The following SETX variants were observed in gnomAD, a reference collection of about 807,000 sequenced individuals.
The protein encoded by SETX is helicase senataxin.
Under a neutral mutation model 227.2 loss-of-function variants are expected in SETX, and 90 were observed. The ratio of observed to expected loss-of-function variants is 0.40; its 90% CI spans 0.33 to 0.47. SETX has a LOEUF of 0.47. Ranked by LOEUF, SETX falls within the 20% of genes least tolerant of loss-of-function variation. The probability of loss-of-function intolerance (pLI) is 0.91; values close to 1 mark genes in which losing one functional copy is unlikely to be tolerated. For missense variants in SETX, 3,052 were observed against 3,181.5 expected (o/e 0.96, Z 0.98); for synonymous variants, 1,210 against 1,113.2 (o/e 1.09, Z -1.73).
Position 132,296,023 on chromosome 9 carries a change from C to T in SETX, c.5955G>A (p.Gln1985=). ...AGTTTTCGTCTGAATGCCCCTTCCT[C>T]TGGTTCTACAATTTGCCACATATAC... ...GLLYRLLTEN[Q]RKGHSDENSN... Residue 1985 remains glutamine (Q), a synonymous_variant, in exon 15 of 26, where the codon CAG becomes CAA. Coordinates refer to ENST00000224140, the MANE Select transcript of SETX (RefSeq NM_015046.7). 1 of 1,614,168 alleles carries T rather than the reference C, an allele frequency of 6.2e-7. No individual in the cohort carries two copies. Among genetic ancestry groups the T allele is most frequent in the East Asian group, 2.2e-5 (1 of 44,888 alleles).
rs1589791526 is a variant in SETX, at chr9:132,349,354, A to C, written c.75T>G (p.Thr25=). The C allele has an allele frequency of 1.2e-5, 19 of 1,614,092 alleles. No homozygotes were observed. The highest frequency in any genetic ancestry group is 1.6e-5 in the Non-Finnish European group (19 of 1,180,014). ...IDFLKRYASN[T]PSGEFQTADE... ...CGGCTGTTTGAAATTCACCGGACGGAGTGTTGGAAGCATAGCGCTTTAGGA... is the reference window on the plus strand; with the variant it reads ...CGGCTGTTTGAAATTCACCGGACGGCGTGTTGGAAGCATAGCGCTTTAGGA... Residue 25 remains threonine, a synonymous_variant, in exon 3 of 26, where the codon ACT becomes ACG. Transcript: ENST00000224140.
chr9:132,272,401 A>C (rs1842945578), intron 23 of SETX, among the ~76,000 whole-genome samples: 1 of 150,850 alleles, frequency 6.6e-6, no homozygotes, highest in African/African-American at 2.4e-5. Flanking sequence ...CTTCCACCTC[A>C]CCCACCCAAA....
At position 132,275,306 on chromosome 9, in the gene SETX, G is replaced by A; in HGVS notation, c.7050C>T (p.Ala2350=). The change falls in exon 23 of 26, where the codon GCC becomes GCT. Residue 2350 remains alanine, a synonymous_variant. Coordinates refer to ENST00000224140, the MANE Select transcript of SETX (RefSeq NM_015046.7). ...AATCCTTCTGAATCATCGTCTTCTG[G>A]GCCTTGTAATGAGTTATTATGCCAA... ...RNIGIITHYK[A]QKTMIQKDLD... 6.2e-7 allele frequency: 1 copy of A among 1,613,806 alleles called. No individual in the cohort carries two copies. The highest frequency in any genetic ancestry group is 8.5e-7 in the Non-Finnish European group (1 of 1,179,944).
rs1333921385 is a variant in SETX at position 132,264,139 on chromosome 9, A to T, written c.*100T>A. The T allele has an allele frequency of 6.4e-6, 10 of 1,550,658 alleles. No individual in the cohort carries two copies. Among genetic ancestry groups the T allele is most frequent in the Non-Finnish European group, 8.8e-6 (10 of 1,135,004 alleles). On this transcript the variant is annotated 3_prime_UTR_variant, in exon 26 of 26. Transcript: ENST00000224140. ...TTTTCCATGTTTTCCAACAGCACAC[A>T]AACTCCTTACAAAAAACAAGCTTAT...
At chr9:132,339,843 G>C (rs1847852601) in intron 5 of SETX, among the ~76,000 whole-genome samples, 1 of 152,060 alleles carries the variant, frequency 6.6e-6, no homozygotes. Flanking sequence ...TCAAACTCCT[G>C]GCCTCAGGTG....
Position 132,353,727 on chromosome 9 carries a change from G to T in SETX, c.-86C>A, listed in dbSNP as rs1260239261. The stretch of plus-strand genomic sequence containing the variant: ...CAAACACGGATTTGCATTCATATAT[G>T]CCCAGACTCTGGCCCCAAAAGAACA... On this transcript the variant is annotated 5_prime_UTR_variant, in exon 2 of 26. Coordinates refer to ENST00000224140, the MANE Select transcript of SETX (RefSeq NM_015046.7). The T allele has an allele frequency of 2.0e-5, 3 of 152,136 alleles. No homozygotes were observed. The highest frequency in any genetic ancestry group is 4.4e-5 in the Non-Finnish European group (3 of 68,040). 9.4% of individuals were successfully genotyped at this position (152,136 alleles called of 1,614,324 possible). A position where few individuals can be genotyped will look rare whatever the true frequency, so the allele number is the denominator to read the frequency against.
chr9:132,355,993 A>G (rs923933993), upstream of SETX, among the ~76,000 whole-genome samples: 8 of 130,428 alleles, frequency 6.1e-5, no homozygotes, highest in Non-Finnish European at 8.3e-5. Context: ...TCTCCGGAAA[A>G]AAAAAAAAAA....
chr9:132,297,278 C>G lies in SETX; in HGVS notation c.5782-224G>C, dbSNP rs2296870. On this transcript the variant is annotated intron_variant, in intron 13 of 25. Transcript: ENST00000224140. ...ACTAATTACTAATTAGTGTCTGTAA[C>G]GCTTCAAGTACTTACAAATACAACT... Among the ~76,000 whole-genome samples, 45,785 of 152,104 alleles carry G rather than the reference C, an allele frequency of 0.3. 9,616 individuals carry two copies. Among genetic ancestry groups the G allele is most frequent in the East Asian group, 0.68 (3,497 of 5,172 alleles).
At position 132,327,325 on chromosome 9, in the gene SETX, T is replaced by C. The variant is rs534886444; in HGVS notation, c.4273A>G (p.Lys1425Glu). 8.1e-5 allele frequency: 130 copies of C among 1,614,194 alleles called. No individual in the cohort carries two copies. The highest frequency in any genetic ancestry group is 4.3e-4 in the Admixed American group (26 of 60,018). The change falls in exon 10 of 26, where the codon AAA becomes GAA. Residue 1425 changes from lysine to glutamate, a missense_variant. Coordinates refer to ENST00000224140, the MANE Select transcript of SETX (RefSeq NM_015046.7). ...KCMPSEPETI[K>E]AKHGSPATDD... Reference sequence around the variant, plus strand: ...GTTGCTGGAGACCCATGTTTTGCTTTTATGGTTTCTGGTTCAGAAGGCATG... The same window carrying C: ...GTTGCTGGAGACCCATGTTTTGCTTCTATGGTTTCTGGTTCAGAAGGCATG...
At position 132,336,380 on chromosome 9, in the gene SETX, T is replaced by C. The variant is rs772737991; in HGVS notation, c.634A>G (p.Thr212Ala). The C allele has an allele frequency of 3.1e-6, 5 of 1,613,962 alleles. No homozygotes were observed. The East Asian group carries it at 8.9e-5, about 29-fold the overall frequency. The change falls in exon 6 of 26, where the codon ACT becomes GCT. Residue 212 changes from threonine to alanine, a missense_variant. This residue lies in a region of SETX where 239 missense variants were observed against 240.8 expected (regional missense o/e 0.99). Coordinates refer to ENST00000224140, the MANE Select transcript of SETX (RefSeq NM_015046.7). ...TTACCCTTCTCTAGGACAGAAGAAG[T>C]ATAAATGTCTGGACTCTCTAAAAGC... is the stretch of plus-strand genomic sequence containing the variant. ...LGLLESPDIYTSSVLEKGKLI... is the reference protein window; with the variant it reads ...LGLLESPDIYASSVLEKGKLI...
At chr9:132,292,827 C>G (rs1844420828) in intron 15 of SETX, among the ~76,000 whole-genome samples, 1 of 152,046 alleles carries the variant, frequency 6.6e-6, no homozygotes, top group Admixed American at 6.6e-5. Context: ...TCAGTAGAGA[C>G]TGGGTTTCAC....
At chr9:132,285,498 A>T (rs1476030091) in intron 18 of SETX, among the ~76,000 whole-genome samples, 1 of 149,822 alleles carries the variant, frequency 6.7e-6, no homozygotes, top group Admixed American at 6.6e-5. Context: ...TGTAATGCCA[A>T]CACTTTGGGA....
rs2131450657 is a variant in SETX at position 132,328,974 on chromosome 9, A to T, written c.2624T>A (p.Val875Asp). 1 of 1,607,986 alleles carries T rather than the reference A, an allele frequency of 6.2e-7. No individual in the cohort carries two copies. Among genetic ancestry groups the T allele is most frequent in the Non-Finnish European group, 8.5e-7 (1 of 1,178,238 alleles). Residue 875 changes from valine to aspartate, a missense_variant, in exon 10 of 26, where the codon GTT becomes GAT. By Grantham distance (152) the Val-to-Asp change is radical (BLOSUM62 -3). Coordinates refer to ENST00000224140, the MANE Select transcript of SETX (RefSeq NM_015046.7). ...KEKQLKNEEL[V>D]IFSFHENNCK... ...ATTGTTTTCATGGAAAGAGAAAATAACTAATTCTTCATTCTTTAATTGTTT... is the reference window on the plus strand; with the variant it reads ...ATTGTTTTCATGGAAAGAGAAAATATCTAATTCTTCATTCTTTAATTGTTT...
rs117410554 is a variant in SETX at position 132,300,676 on chromosome 9, G to A, written c.5502C>T (p.His1834=). The change falls in exon 12 of 26, where the codon CAC becomes CAT. Residue 1834 remains histidine, a synonymous_variant. Transcript: ENST00000224140. The part of the protein sequence containing the change: ...DTERNDIQDL[H]EYHSGYVHKF... ...TATGAACATAACCAGAATGATATTC[G>A]TGGAGATCTTGTATGTCATTTCTCT... 55 of 1,613,684 alleles carry A rather than the reference G, an allele frequency of 3.4e-5. No homozygotes were observed. Among genetic ancestry groups the A allele is most frequent in the Non-Finnish European group, 4.4e-5 (52 of 1,179,886 alleles).
chr9:132,341,951 T>C (rs1848000890), intron 5 of SETX, among the ~76,000 whole-genome samples: 1 of 152,356 alleles, frequency 6.6e-6, no homozygotes. Context: ...TTCCTCCTTT[T>C]GCTTTTTTTT....
intron 10 of SETX, among the ~76,000 whole-genome samples, chr9:132,316,829 T>G (rs1845999459): frequency 6.6e-6 from 1 of 152,230 alleles, no homozygotes; most frequent in African/African-American, 2.4e-5. Flanking sequence ...TTACTATGGC[T>G]TTGAAACAGC....
In SETX at chr9:132,342,714, C is replaced by T; in HGVS notation, c.474G>A (p.Leu158=). Residue 158 remains leucine (L), a synonymous_variant, in exon 5 of 26, where the codon TTG becomes TTA. Coordinates refer to ENST00000224140, the MANE Select transcript of SETX (RefSeq NM_015046.7). ...CCATTTCATTGGGATGGACTAAAAACAAATAGATCCCTGGATGTTTATCAA... is the reference window on the plus strand; with the variant it reads ...CCATTTCATTGGGATGGACTAAAAATAAATAGATCCCTGGATGTTTATCAA... ...QVFDKHPGIY[L]FLVHPNEMVR... is the part of the protein sequence containing the mutation. 1 of 1,613,732 alleles carries T rather than the reference C, an allele frequency of 6.2e-7. No individual in the cohort carries two copies. The highest frequency in any genetic ancestry group is 8.5e-7 in the Non-Finnish European group (1 of 1,179,692).
intron 3 of SETX, among the ~76,000 whole-genome samples, chr9:132,347,030 G>A (rs995464768): frequency 2.4e-4 from 36 of 151,938 alleles, no homozygotes; most frequent in Non-Finnish European, 4.4e-4. Flanking sequence ...TGAGGTGGGC[G>A]GATCACCTGA....
At chr9:132,276,271 C>A (rs1232151035) in intron 22 of SETX, among the ~76,000 whole-genome samples, 1 of 152,210 alleles carries the variant, frequency 6.6e-6, no homozygotes, top group African/African-American at 2.4e-5. Context: ...ATCCTCTGCT[C>A]TCCTCCAAGA....
Sources: allele counts gnomAD v4.1 joint callset (sites outside exome capture counted in the v4.1 genomes callset), GRCh38; gene constraint gnomAD v4.1.1; regional missense constraint gnomAD v4.1.1; transcripts MANE v1.5; gene names NCBI Gene and HGNC (gene_info 2026-07-23, HGNC 2026-07-21).